Variants in APBB2 observed in about 807,000 individuals in gnomAD.
The protein encoded by APBB2 is amyloid beta precursor protein binding family B member 2.
APBB2 carries 38 observed loss-of-function variants against 82.5 expected under a neutral mutation model. That is an observed-to-expected ratio of 0.46 (90% CI 0.36 to 0.60). The LOEUF (loss-of-function observed/expected upper bound fraction) is 0.60, where lower values mean the gene tolerates loss of function less well. APBB2 is among the 20% of genes least tolerant of loss of function. The pLI, the probability that APBB2 is intolerant of heterozygous loss-of-function variation, is 0.00. For missense variants in APBB2, 772 were observed against 972.3 expected (o/e 0.79, Z 2.74); for synonymous variants, 341 against 368.2 (o/e 0.93, Z 0.85).
intron 15 of APBB2, 198 bp downstream of exon 15, chr4:40,825,689 G>C (rs1749671282): frequency 1.8e-6 from 1 of 559,956 alleles, no homozygotes; most frequent in Admixed American, 3.0e-5. Flanking sequence ...GGGATGACAG[G>C]TCAAAGCAGC....
At chr4:40,854,313 G>A (rs1760426464) in intron 12 of APBB2, among the ~76,000 whole-genome samples, 1 of 152,176 alleles carries the variant, frequency 6.6e-6, no homozygotes, top group Non-Finnish European at 1.5e-5. Flanking sequence ...TACTTAGTAT[G>A]TTTTTCTGTG....
Position 40,944,787 on chromosome 4 carries a change from G to A in APBB2, c.1044+78C>T, listed in dbSNP as rs142148856. 1.1e-4 allele frequency: 159 copies of A among 1,443,502 alleles called. 1 individual carries two copies. Among genetic ancestry groups the A allele is most frequent in the South Asian group, 7.8e-4 (67 of 85,378 alleles). 89.4% of individuals were successfully genotyped at this position (1,443,502 alleles called of 1,614,324 possible). On this transcript the variant is annotated intron_variant, in intron 7 of 17. Transcript: ENST00000508593. Reference sequence around the variant, plus strand: ...AAAGCTTACCTTGATGACCTGTTGGGGCAGAAGCAACCAGTGTAAAGAGAA... The same window carrying A: ...AAAGCTTACCTTGATGACCTGTTGGAGCAGAAGCAACCAGTGTAAAGAGAA...
At chr4:40,969,791 C>T (rs1340361697) in intron 6 of APBB2, among the ~76,000 whole-genome samples, 2 of 152,132 alleles carry the variant, frequency 1.3e-5, no homozygotes, top group Admixed American at 6.5e-5. Context: ...AATACATTGA[C>T]CAGTTTTGGA....
intron 6 of APBB2, among the ~76,000 whole-genome samples, chr4:40,968,991 G>C (rs185554336): frequency 1.3e-5 from 2 of 152,100 alleles, no homozygotes; most frequent in Non-Finnish European, 2.9e-5. Flanking sequence ...TTCTCCTTTC[G>C]CTTGGCTCTC....
intron 4 of APBB2, among the ~76,000 whole-genome samples, chr4:41,041,820 G>T (rs1008088408): frequency 1.3e-5 from 2 of 152,074 alleles, no homozygotes; most frequent in Admixed American, 6.6e-5. Context: ...CCTATTTTCT[G>T]AAATGTATCC....
chr4:41,168,655 A>T (rs1180245122), intron 1 of APBB2, among the ~76,000 whole-genome samples: 1 of 152,242 alleles, frequency 6.6e-6, no homozygotes, highest in East Asian at 1.9e-4. Flanking sequence ...CATTCCTCAG[A>T]CCGCTTGAGA....
intron 12 of APBB2, among the ~76,000 whole-genome samples, chr4:40,871,147 G>C (rs148180242): frequency 2.0e-5 from 3 of 151,400 alleles, no homozygotes; most frequent in African/African-American, 7.3e-5. Flanking sequence ...CCCCGCACCC[G>C]TTTATTTTTT....
At chr4:40,952,794 A>G (rs1352142818) in intron 6 of APBB2, among the ~76,000 whole-genome samples, 2 of 152,212 alleles carry the variant, frequency 1.3e-5, no homozygotes, top group Non-Finnish European at 2.9e-5. Flanking sequence ...GGGATGTTAT[A>G]AAAGCTAGTA....
chr4:40,917,066 C>T (rs1780032559), intron 10 of APBB2, among the ~76,000 whole-genome samples: 1 of 152,172 alleles, frequency 6.6e-6, no homozygotes, highest in African/African-American at 2.4e-5. Context: ...AACTCCTGTG[C>T]TGTGTTGACT....
chr4:41,094,515 A>C (rs551148380), intron 3 of APBB2, among the ~76,000 whole-genome samples: 1 of 152,330 alleles, frequency 6.6e-6, no homozygotes, highest in South Asian at 2.1e-4. Context: ...CTATAGAATG[A>C]AAAATTATTT....
intron 5 of APBB2, among the ~76,000 whole-genome samples, chr4:41,018,680 A>T (rs748726407): frequency 6.6e-6 from 1 of 152,194 alleles, no homozygotes; most frequent in African/African-American, 2.4e-5. Flanking sequence ...GACATTAAAG[A>T]AGTAATGTAG....
chr4:40,936,427 A>G (rs1785380890), intron 7 of APBB2, among the ~76,000 whole-genome samples: 1 of 152,076 alleles, frequency 6.6e-6, no homozygotes. Flanking sequence ...TAATTTTTTA[A>G]AACTTTTTTG....
At chr4:41,175,811 A>G (rs1458015092) in intron 1 of APBB2, among the ~76,000 whole-genome samples, 1 of 152,232 alleles carries the variant, frequency 6.6e-6, no homozygotes, top group Admixed American at 6.5e-5. Flanking sequence ...AGAAAACAGC[A>G]AAAGACTGGA....
chr4:41,213,810 A>C (rs1345426164), intron 1 of APBB2, among the ~76,000 whole-genome samples: 2 of 152,288 alleles, frequency 1.3e-5, no homozygotes, highest in South Asian at 4.1e-4. Flanking sequence ...GGGAAAAGGA[A>C]CTTTTCCCCC....
At chr4:40,976,935 G>C (rs1797315692) in intron 6 of APBB2, among the ~76,000 whole-genome samples, 1 of 152,160 alleles carries the variant, frequency 6.6e-6, no homozygotes, top group Non-Finnish European at 1.5e-5. Flanking sequence ...AGTGGTCTCA[G>C]ATACTTGGGA....
chr4:41,040,933 T>G (rs1408456927), intron 4 of APBB2, among the ~76,000 whole-genome samples: 1 of 152,130 alleles, frequency 6.6e-6, no homozygotes, highest in African/African-American at 2.4e-5. Context: ...CAGGCTGGAG[T>G]GCAGTGTCGC....
intron 3 of APBB2, among the ~76,000 whole-genome samples, chr4:41,077,171 ATT>A (rs368187037): frequency 5.4e-5 from 7 of 129,950 alleles, no homozygotes; most frequent in East Asian, 2.2e-4. Flanking sequence ...CACCCAGCTA[ATT>A]TTTTTTTTTT....
At chr4:41,086,033 G>T (rs559509244) in intron 3 of APBB2, among the ~76,000 whole-genome samples, 67 of 151,964 alleles carry the variant, frequency 4.4e-4, no homozygotes, top group Admixed American at 1.2e-3. Flanking sequence ...GCAATCAAAA[G>T]GATTATAGGA....
chr4:40,834,112 CTT>C (rs11353477), intron 12 of APBB2, among the ~76,000 whole-genome samples: 20 of 150,218 alleles, frequency 1.3e-4, no homozygotes, highest in East Asian at 2.0e-4. Flanking sequence ...GGAATTCTCA[CTT>C]TTTTTTTTTT....
Sources: allele counts gnomAD v4.1 joint callset (sites outside exome capture counted in the v4.1 genomes callset), GRCh38; gene constraint gnomAD v4.1.1; transcripts MANE v1.5; gene names NCBI Gene and HGNC (gene_info 2026-07-23, HGNC 2026-07-21).